The following SYT16 variants were observed in gnomAD, a reference collection of about 807,000 sequenced individuals.
SYT16 encodes synaptotagmin-16.
Under a neutral mutation model 61.4 loss-of-function variants are expected in SYT16, and 42 were observed. The ratio of observed to expected loss-of-function variants is 0.68; its 90% confidence interval spans 0.53 to 0.89. The LOEUF (loss-of-function observed/expected upper bound fraction) is 0.89. Ranked by LOEUF, SYT16 falls within the 40% of genes least tolerant of loss-of-function variation. The pLI is 0.00. For synonymous variants in SYT16, 314 were observed against 302.3 expected (o/e 1.04, Z -0.40); for missense variants, 804 against 807.3 (o/e 1.00, Z 0.05).
intron 1 of SYT16, among the ~76,000 whole-genome samples, chr14:61,958,526 T>C (rs1047114041): frequency 6.6e-6 from 1 of 152,046 alleles, no homozygotes; most frequent in Non-Finnish European, 1.5e-5. Context: ...ACCTCATAAT[T>C]ATTTGCGTGT....
At chr14:61,961,204 T>C (rs984421500) in intron 1 of SYT16, among the ~76,000 whole-genome samples, 1 of 152,012 alleles carries the variant, frequency 6.6e-6, no homozygotes, top group Admixed American at 6.6e-5. Context: ...TGGACATCAA[T>C]CCTGGTAAAG....
chr14:62,072,127 C>T (rs1187417417), intron 4 of SYT16, among the ~76,000 whole-genome samples: 4 of 152,082 alleles, frequency 2.6e-5, no homozygotes, highest in Non-Finnish European at 5.9e-5. Context: ...AGTCCATTTC[C>T]TGGGGCTTTT....
chr14:62,053,024 A>G (rs2055380960), intron 3 of SYT16, among the ~76,000 whole-genome samples: 1 of 152,212 alleles, frequency 6.6e-6, no homozygotes, highest in African/African-American at 2.4e-5. Context: ...GAACCGGGTA[A>G]TGGGTAGAGG....
At chr14:61,853,243 C>G (rs2046670861) in intron 1 of SYT16, among the ~76,000 whole-genome samples, 1 of 152,190 alleles carries the variant, frequency 6.6e-6, no homozygotes, top group Non-Finnish European at 1.5e-5. Context: ...TTGTCCCAAA[C>G]AGACAGAGCT....
intron 1 of SYT16, among the ~76,000 whole-genome samples, chr14:61,850,751 A>G (rs1247119718): frequency 6.6e-6 from 1 of 152,142 alleles, no homozygotes; most frequent in African/African-American, 2.4e-5. Flanking sequence ...ATGTGTTGGT[A>G]ATCATTAGTG....
intron 3 of SYT16, among the ~76,000 whole-genome samples, chr14:62,040,749 C>A: frequency 6.6e-6 from 1 of 151,976 alleles, no homozygotes; most frequent in Non-Finnish European, 1.5e-5. Context: ...ATTTTTAGAG[C>A]AATTTTAGCT....
In SYT16 at chr14:61,857,321, A is replaced by T. The variant is rs143079106; in HGVS notation, c.-325+44511A>T. Among the ~76,000 whole-genome samples the T allele has an allele frequency of 2.1e-3, 322 of 152,336 alleles. 1 individual carries two copies. The highest frequency in any genetic ancestry group is 7.5e-3 in the African/African-American group (312 of 41,578). On this transcript the variant is annotated intron_variant, in intron 1 of 7. Transcript: ENST00000683842. ...GCAAGCTCTTGTGGGAGAAACCTTG[A>T]GGCTGAAAGCAGAGAGAGATGAGGT...
At chr14:61,889,521 C>A (rs1178537667) in intron 1 of SYT16, among the ~76,000 whole-genome samples, 1 of 152,062 alleles carries the variant, frequency 6.6e-6, no homozygotes, top group African/African-American at 2.4e-5. Flanking sequence ...TGAGTTCTTT[C>A]TCTATTAGTT....
intron 3 of SYT16, among the ~76,000 whole-genome samples, chr14:62,004,832 T>C (rs1195274660): frequency 6.6e-6 from 1 of 152,176 alleles, no homozygotes; most frequent in Non-Finnish European, 1.5e-5. Context: ...TTCCATCTCC[T>C]CATGTGGTTT....
At chr14:61,965,922 G>A (rs1015762232) in intron 1 of SYT16, among the ~76,000 whole-genome samples, 5 of 152,038 alleles carry the variant, frequency 3.3e-5, no homozygotes, top group African/African-American at 9.7e-5. Flanking sequence ...TAAAATTTTT[G>A]TGTTATAAAG....
chr14:61,887,095 G>A (rs997750534), intron 1 of SYT16, among the ~76,000 whole-genome samples: 1 of 152,104 alleles, frequency 6.6e-6, no homozygotes, highest in African/African-American at 2.4e-5. Context: ...TCCTTGATCA[G>A]TGGGCTGCAG....
At position 61,996,441 on chromosome 14, in the gene SYT16, C is replaced by T. The variant is rs769771492; in HGVS notation, c.422C>T (p.Ala141Val). The T allele has an allele frequency of 8.1e-6, 13 of 1,613,276 alleles. No individual in the cohort carries two copies. Among genetic ancestry groups the T allele is most frequent in the East Asian group, 2.2e-5 (1 of 44,852 alleles). ...TTACCACATGTGCTTTCTTCTATTG[C>T]GGAGGAAGAGCATCACCTTGAAAAG... Reference protein sequence around the residue: ...RKLPHVLSSIAEEEHHLEKQR... With the variant: ...RKLPHVLSSIVEEEHHLEKQR... The change falls in exon 3 of 8, where the codon GCG (alanine) becomes GTG (valine). Residue 141 changes from alanine (A) to valine (V), a missense_variant. Transcript: ENST00000683842.
At chr14:61,951,517 T>C (rs1422898054) in intron 1 of SYT16, among the ~76,000 whole-genome samples, 1 of 152,176 alleles carries the variant, frequency 6.6e-6, no homozygotes, top group Non-Finnish European at 1.5e-5. Context: ...AAAATTATAT[T>C]TCACTCCAAA....
intron 1 of SYT16, among the ~76,000 whole-genome samples, chr14:61,899,984 A>C (rs1411834664): frequency 2.0e-5 from 3 of 152,144 alleles, no homozygotes; most frequent in African/African-American, 7.2e-5. Flanking sequence ...TATAGGTCTT[A>C]TTACAATTTC....
chr14:61,919,080 G>T (rs1341697035), intron 1 of SYT16, among the ~76,000 whole-genome samples: 1 of 152,158 alleles, frequency 6.6e-6, no homozygotes, highest in Non-Finnish European at 1.5e-5. Flanking sequence ...CAATTCATTA[G>T]GTAGTTGTTT....
chr14:61,958,835 T>G (rs1595016115), intron 1 of SYT16, among the ~76,000 whole-genome samples: 2 of 152,130 alleles, frequency 1.3e-5, no homozygotes, highest in African/African-American at 4.8e-5. Flanking sequence ...CTATACATTA[T>G]AGAGAGTAGG....
intron 1 of SYT16, among the ~76,000 whole-genome samples, chr14:61,854,872 T>C (rs1162881622): frequency 2.6e-5 from 4 of 152,030 alleles, no homozygotes; most frequent in Non-Finnish European, 4.4e-5. Flanking sequence ...GCTTAGCCCA[T>C]GGCATGCACA....
chr14:61,866,431 G>C (rs1182708180), intron 1 of SYT16, among the ~76,000 whole-genome samples: 1 of 152,006 alleles, frequency 6.6e-6, no homozygotes, highest in East Asian at 1.9e-4. Flanking sequence ...TATTATACTT[G>C]ATATCATCAA....
At chr14:61,887,846 A>T (rs1433008539) in intron 1 of SYT16, among the ~76,000 whole-genome samples, 2 of 152,164 alleles carry the variant, frequency 1.3e-5, no homozygotes, top group Admixed American at 6.5e-5. Context: ...AACATTCTTC[A>T]TATCAGCAGT....
Sources: allele counts gnomAD v4.1 joint callset (sites outside exome capture counted in the v4.1 genomes callset), GRCh38; gene constraint gnomAD v4.1.1; transcripts MANE v1.5; gene names NCBI Gene and HGNC (gene_info 2026-07-23, HGNC 2026-07-21).